The following KCNQ5 variants were observed in gnomAD, a reference collection of about 807,000 sequenced individuals.
KCNQ5 encodes potassium voltage-gated channel subfamily KQT member 5.
In KCNQ5, 30 loss-of-function variants were observed where a neutral mutation model predicts 98.2. That is an observed-to-expected ratio of 0.31 (90% CI 0.23 to 0.41). KCNQ5 has a LOEUF of 0.41. Among genes scored for constraint, KCNQ5 ranks in the 10% least tolerant of loss-of-function variants. The pLI is 1.00. For missense variants in KCNQ5, 835 were observed against 1,182.5 expected (o/e 0.71, Z 4.31); for synonymous variants, 458 against 449.4 (o/e 1.02, Z -0.24).
At chr6:72,849,632 G>A (rs1303716048) in intron 1 of KCNQ5, among the ~76,000 whole-genome samples, 1 of 152,082 alleles carries the variant, frequency 6.6e-6, no homozygotes, top group Non-Finnish European at 1.5e-5. Context: ...AGGGAAAAGG[G>A]GGCAAGCAGA....
chr6:73,105,277 C>G lies in KCNQ5; in HGVS notation c.939C>G (p.Gly313=), dbSNP rs1393395508. The G allele has an allele frequency of 6.2e-7, 1 of 1,606,582 alleles. No individual in the cohort carries two copies. The highest frequency in any genetic ancestry group is 1.7e-5 in the Admixed American group (1 of 59,732). Residue 313 remains glycine (G), a synonymous_variant, in exon 6 of 14, where the codon GGC becomes GGG. Transcript: ENST00000370398. ...WWGTITLTTI[G]YGDKTPLTWL... ...TCTAGATTACATTGACAACTATTGG[C>G]TATGGAGACAAAACTCCCCTAACTT...
intron 1 of KCNQ5, among the ~76,000 whole-genome samples, chr6:72,876,822 A>G (rs528346970): frequency 6.6e-6 from 1 of 152,208 alleles, no homozygotes; most frequent in Admixed American, 6.5e-5. Flanking sequence ...TTTACAGAGT[A>G]CAGAATTAGG....
chr6:73,181,147 T>C (rs1214865670), intron 11 of KCNQ5, among the ~76,000 whole-genome samples: 1 of 152,146 alleles, frequency 6.6e-6, no homozygotes, highest in East Asian at 1.9e-4. Flanking sequence ...CTCAGAAAAT[T>C]GTATGAGCAG....
chr6:72,905,721 T>C (rs1424902097), intron 1 of KCNQ5, among the ~76,000 whole-genome samples: 1 of 152,168 alleles, frequency 6.6e-6, no homozygotes, highest in Non-Finnish European at 1.5e-5. Flanking sequence ...TACTGTGGGT[T>C]GTCTGCATGG....
At chr6:73,025,374 A>T (rs6453617) in intron 2 of KCNQ5, among the ~76,000 whole-genome samples, 105,171 of 152,046 alleles carry the variant, frequency 0.69, 38,099 homozygotes, top group Non-Finnish European at 0.8. Flanking sequence ...GTAATCCCAG[A>T]ACTTTGGGAG....
At chr6:72,928,963 A>G (rs1765564331) in intron 1 of KCNQ5, among the ~76,000 whole-genome samples, 1 of 152,112 alleles carries the variant, frequency 6.6e-6, no homozygotes, top group Non-Finnish European at 1.5e-5. Flanking sequence ...CCTGTATTTA[A>G]AGACTCACAA....
At chr6:72,796,119 T>G (rs1774324247) in intron 1 of KCNQ5, among the ~76,000 whole-genome samples, 1 of 152,196 alleles carries the variant, frequency 6.6e-6, no homozygotes, top group African/African-American at 2.4e-5. Flanking sequence ...TATTTGTGTT[T>G]CTAATAACCA....
intron 3 of KCNQ5, among the ~76,000 whole-genome samples, chr6:73,049,880 T>C (rs1772139416): frequency 5.3e-5 from 8 of 152,100 alleles, no homozygotes; most frequent in Admixed American, 5.2e-4. Context: ...GGGGCCATTG[T>C]CTAAAGTCTA....
chr6:73,035,340 T>C (rs536359858), intron 2 of KCNQ5, among the ~76,000 whole-genome samples: 10 of 152,208 alleles, frequency 6.6e-5, no homozygotes, highest in Non-Finnish European at 1.0e-4. Flanking sequence ...GGGGCTTAAA[T>C]AAGGAAGGAC....
chr6:73,045,344 G>A (rs1327635234), intron 3 of KCNQ5, among the ~76,000 whole-genome samples: 1 of 152,064 alleles, frequency 6.6e-6, no homozygotes, highest in East Asian at 1.9e-4. Context: ...ATGTATGTCT[G>A]CTTGGTTTTA....
intron 6 of KCNQ5, among the ~76,000 whole-genome samples, chr6:73,109,697 A>C (rs1170282926): frequency 5.3e-5 from 8 of 152,172 alleles, no homozygotes; most frequent in Non-Finnish European, 7.4e-5. Context: ...GGTTTTTATA[A>C]AGCTTAGTTT....
intron 1 of KCNQ5, among the ~76,000 whole-genome samples, chr6:72,783,758 G>A (rs192710837): frequency 2.6e-5 from 4 of 152,258 alleles, no homozygotes; most frequent in Admixed American, 6.5e-5. Flanking sequence ...CAGCTTGAGG[G>A]GAAAAAGACA....
chr6:72,790,990 G>A (rs1472611299), intron 1 of KCNQ5, among the ~76,000 whole-genome samples: 1 of 152,128 alleles, frequency 6.6e-6, no homozygotes, highest in Non-Finnish European at 1.5e-5. Context: ...CACATGGGGG[G>A]AAATCATCAA....
chr6:73,003,485 T>G (rs1769679530), intron 1 of KCNQ5, among the ~76,000 whole-genome samples: 1 of 152,146 alleles, frequency 6.6e-6, no homozygotes, highest in African/African-American at 2.4e-5. Flanking sequence ...CTTGATAGTT[T>G]AGCAAAGTTG....
chr6:73,013,323 G>C (rs1040499708), intron 2 of KCNQ5, among the ~76,000 whole-genome samples: 1 of 151,976 alleles, frequency 6.6e-6, no homozygotes, highest in Non-Finnish European at 1.5e-5. Flanking sequence ...CTCTTCTCTC[G>C]ATGTCTGCAT....
At chr6:72,679,931 G>A (rs906217210) in intron 1 of KCNQ5, among the ~76,000 whole-genome samples, 80 of 152,198 alleles carry the variant, frequency 5.3e-4, no homozygotes, top group African/African-American at 1.8e-3. Flanking sequence ...CCAGCTACTC[G>A]GGAGGCTGAG....
intron 3 of KCNQ5, among the ~76,000 whole-genome samples, chr6:73,062,181 G>T (rs370520246): frequency 1.3e-5 from 2 of 152,126 alleles, no homozygotes; most frequent in African/African-American, 4.8e-5. Flanking sequence ...TTGTAGACTG[G>T]TTGTTCATTA....
chr6:72,624,643 A>C (rs1235247386), intron 1 of KCNQ5, among the ~76,000 whole-genome samples: 1 of 152,230 alleles, frequency 6.6e-6, no homozygotes, highest in Non-Finnish European at 1.5e-5. Flanking sequence ...TCAGTCTAGC[A>C]GTATCTTTAG....
chr6:72,895,370 C>T (rs1779210483), intron 1 of KCNQ5, among the ~76,000 whole-genome samples: 1 of 151,020 alleles, frequency 6.6e-6, no homozygotes, highest in Non-Finnish European at 1.5e-5. Flanking sequence ...TATGCTACTT[C>T]AACTACAGAA....
Sources: gnomAD v4.1 joint callset for allele counts (sites outside exome capture counted in the v4.1 genomes callset) on GRCh38, gnomAD v4.1.1 for gene constraint, MANE v1.5 for transcripts, NCBI Gene and HGNC (gene_info 2026-07-23, HGNC 2026-07-21) for gene names.